The following ABCA13 variants were observed in gnomAD, a reference collection of about 807,000 sequenced individuals.
ABCA13 encodes the protein ATP-binding cassette sub-family A member 13.
Under a neutral mutation model 478.7 loss-of-function variants are expected in ABCA13, and 476 were observed. That is an observed-to-expected ratio of 0.99 (90% confidence interval 0.92 to 1.07). The LOEUF (loss-of-function observed/expected upper bound fraction) is 1.07. ABCA13 is among the 50% of genes least tolerant of loss of function. The pLI, the probability that ABCA13 is intolerant of heterozygous loss-of-function variation, is 0.00. For synonymous variants in ABCA13, 2,252 were observed against 2,158.9 expected (o/e 1.04, Z -1.20); for missense variants, 6,060 against 5,910.6 (o/e 1.03, Z -0.83).
rs187572057 is a variant in ABCA13 at position 48,432,160 on chromosome 7, C to G, written c.12565+4289C>G. On this transcript the variant is annotated intron_variant, in intron 42 of 61. Coordinates refer to ENST00000435803, the MANE Select transcript of ABCA13 (RefSeq NM_152701.5). ...ATGCAGTTAAAAAATGATCAAATGA[C>G]CTGAATAGATAGACATTTCTCAAAG... is the stretch of plus-strand genomic sequence containing the variant. Among the ~76,000 whole-genome samples the G allele has an allele frequency of 8.0e-4, 121 of 152,060 alleles. 1 individual carries two copies. Among genetic ancestry groups the G allele is most frequent in the African/African-American group, 2.9e-3 (119 of 41,508 alleles).
Position 48,388,372 on chromosome 7 carries a change from G to A in ABCA13, c.11473+413G>A, listed in dbSNP as rs1175038910. On this transcript the variant is annotated intron_variant, in intron 36 of 61. Transcript: ENST00000435803. Reference sequence around the variant, plus strand: ...TCTCACCCATGCTGGTTTATTCAGTGTTCCTGTGTGAGGGAGAATATCACT... The same window carrying A: ...TCTCACCCATGCTGGTTTATTCAGTATTCCTGTGTGAGGGAGAATATCACT... Among the ~76,000 whole-genome samples, 6 of 152,334 alleles carry A rather than the reference G, an allele frequency of 3.9e-5. No homozygotes were observed. The East Asian group carries it at 1.2e-3, about 29-fold the overall frequency.
At chr7:48,234,716 C>G (rs1233552358) in intron 8 of ABCA13, among the ~76,000 whole-genome samples, 1 of 152,176 alleles carries the variant, frequency 6.6e-6, no homozygotes, top group Middle Eastern at 3.2e-3. Flanking sequence ...CTTTTAGTTA[C>G]AGAGTCCCTT....
intron 59 of ABCA13, among the ~76,000 whole-genome samples, chr7:48,637,016 G>A (rs1050929774): frequency 7.9e-5 from 12 of 152,044 alleles, no homozygotes; most frequent in South Asian, 2.1e-4. Context: ...GACTGGAGAC[G>A]ATAGAGGTTA....
rs572017402 is a variant in ABCA13 at position 48,424,140 on chromosome 7, T to C, written c.12460-3626T>C. Among the ~76,000 whole-genome samples, 4 of 152,350 alleles carry C rather than the reference T, an allele frequency of 2.6e-5. No individual in the cohort carries two copies. In the East Asian group the frequency reaches 7.7e-4, roughly 29 times the overall value. On this transcript the variant is annotated intron_variant, in intron 41 of 61. Coordinates refer to ENST00000435803, the MANE Select transcript of ABCA13 (RefSeq NM_152701.5). ...GAAAGTGTAGCCAGGACATTAGATG[T>C]TTAGCCTGCATTCACTTCCTGTGCA...
chr7:48,593,144 TC>T (rs1324492909), intron 57 of ABCA13, among the ~76,000 whole-genome samples: 1 of 152,036 alleles, frequency 6.6e-6, no homozygotes, highest in Non-Finnish European at 1.5e-5. Flanking sequence ...AGTTATTTAT[TC>T]TTTTTTTTCC....
intron 2 of ABCA13, among the ~76,000 whole-genome samples, chr7:48,196,351 AG>A (rs1422817213): frequency 6.6e-6 from 1 of 152,204 alleles, no homozygotes; most frequent in Non-Finnish European, 1.5e-5. Flanking sequence ...TTCCTACAGA[AG>A]GGAAGGCTTT....
At chr7:48,367,206 C>A (rs1260434994) in intron 31 of ABCA13, among the ~76,000 whole-genome samples, 1 of 152,080 alleles carries the variant, frequency 6.6e-6, no homozygotes, top group African/African-American at 2.4e-5. Context: ...TGACCAATGC[C>A]ATCCAACATG....
chr7:48,294,335 C>G (rs1042936175), intron 20 of ABCA13, among the ~76,000 whole-genome samples: 1 of 151,728 alleles, frequency 6.6e-6, no homozygotes, highest in African/African-American at 2.4e-5. Flanking sequence ...GTTCATTCTA[C>G]ATAACTGCAA....
intron 55 of ABCA13, 135 bp from the exon 56 acceptor site, chr7:48,580,089 A>G: frequency 1.0e-6 from 1 of 961,462 alleles, no homozygotes; most frequent in Non-Finnish European, 1.5e-6. Flanking sequence ...CATGAAATGA[A>G]CCTATTATTG....
intron 53 of ABCA13, among the ~76,000 whole-genome samples, 164 bp from the exon 54 acceptor site, chr7:48,524,084 G>A (rs1832732646): frequency 6.6e-6 from 1 of 152,150 alleles, no homozygotes; most frequent in African/African-American, 2.4e-5. Flanking sequence ...ATTCTTGCCT[G>A]ATAATCAGGA....
chr7:48,589,008 T>C (rs1009594215), intron 57 of ABCA13, among the ~76,000 whole-genome samples: 1 of 152,220 alleles, frequency 6.6e-6, no homozygotes, highest in South Asian at 2.1e-4. Flanking sequence ...ATTTTCCTGT[T>C]CAGTGCTTCT....
chr7:48,301,394 T>G (rs1347722623), intron 23 of ABCA13, among the ~76,000 whole-genome samples: 1 of 152,178 alleles, frequency 6.6e-6, no homozygotes, highest in Non-Finnish European at 1.5e-5. Context: ...GAGATTCCTT[T>G]TAGGAGTTTG....
intron 3 of ABCA13, among the ~76,000 whole-genome samples, chr7:48,210,295 G>C (rs1433962957): frequency 6.6e-6 from 1 of 152,236 alleles, no homozygotes; most frequent in African/African-American, 2.4e-5. Flanking sequence ...CATGAGAAGA[G>C]CATGGGGGAA....
chr7:48,178,476 ACCAG>A (rs1795184354), intron 1 of ABCA13, among the ~76,000 whole-genome samples: 1 of 152,086 alleles, frequency 6.6e-6, no homozygotes, highest in Non-Finnish European at 1.5e-5. Flanking sequence ...GGAGTTTGAG[ACCAG>A]CTTGGCCAAC....
chr7:48,194,985 A>C (rs2128904112), intron 2 of ABCA13, among the ~76,000 whole-genome samples: 1 of 152,324 alleles, frequency 6.6e-6, no homozygotes, highest in South Asian at 2.1e-4. Context: ...CTGTAGTGGG[A>C]AAATTGCCAT....
chr7:48,229,993 G>A (rs376234689), intron 7 of ABCA13, 38 bp downstream of exon 7: 12 of 1,582,114 alleles, frequency 7.6e-6, no homozygotes, highest in Admixed American at 1.8e-5. Flanking sequence ...ATTTCAAAAC[G>A]TTTAACTACT....
chr7:48,625,583 C>T (rs1586025808), intron 59 of ABCA13, among the ~76,000 whole-genome samples: 1 of 152,114 alleles, frequency 6.6e-6, no homozygotes, highest in East Asian at 1.9e-4. Context: ...TGTAATTTGT[C>T]ATCTCATTTG....
At position 48,278,379 on chromosome 7, in the gene ABCA13, T is replaced by C; in HGVS notation, c.7185T>C (p.His2395=). The change falls in exon 18 of 62, where the codon CAT becomes CAC. Residue 2395 remains histidine, a synonymous_variant. Transcript: ENST00000435803. ...CAGTGGTGAGTCAGTTGTTTTTCCA[T>C]GTGAATAAGTCTGAGGACCTCTTCA... ...FFTVVSQLFF[H]VNKSEDLFKL... 1 of 1,613,856 alleles carries C rather than the reference T, an allele frequency of 6.2e-7. No individual in the cohort carries two copies. Among genetic ancestry groups the C allele is most frequent in the Non-Finnish European group, 8.5e-7 (1 of 1,179,834 alleles).
At chr7:48,348,229 G>A (rs983231713) in intron 29 of ABCA13, among the ~76,000 whole-genome samples, 6 of 152,064 alleles carry the variant, frequency 3.9e-5, no homozygotes, top group South Asian at 2.1e-4. Context: ...ACAGTGGCTC[G>A]GAGGCTCAGA....
Sources: gnomAD v4.1 joint callset for allele counts (sites outside exome capture counted in the v4.1 genomes callset) on GRCh38, gnomAD v4.1.1 for gene constraint, MANE v1.5 for transcripts, NCBI Gene and HGNC (gene_info 2026-07-23, HGNC 2026-07-21) for gene names.